Variants in DNM3 observed in about 807,000 individuals in gnomAD.
DNM3 encodes the protein dynamin 3.
DNM3 carries 47 observed loss-of-function variants against 101.6 expected under a neutral mutation model. The observed-to-expected ratio is 0.46, with a 90% CI of 0.37 to 0.59. The LOEUF (loss-of-function observed/expected upper bound fraction) is 0.59, where lower values mean the gene tolerates loss of function less well. Ranked by LOEUF, DNM3 falls within the 20% of genes least tolerant of loss-of-function variation. DNM3 has a pLI of 0.00. For synonymous variants in DNM3, 385 were observed against 387.9 expected, an observed-to-expected ratio of 0.99 and a Z score of 0.09; for missense variants, 849 against 1,085.7, an observed-to-expected ratio of 0.78 and a Z score of 3.06.
intron 4 of DNM3, among the ~76,000 whole-genome samples, chr1:171,994,448 T>C (rs6680084): frequency 0.31 from 46,375 of 152,012 alleles, 10,402 homozygotes; most frequent in African/African-American, 0.64. Flanking sequence ...GCTCTCAATG[T>C]GCATTTTGGG....
At chr1:171,909,261 C>T (rs745589044) in intron 1 of DNM3, among the ~76,000 whole-genome samples, 7 of 151,936 alleles carry the variant, frequency 4.6e-5, no homozygotes, top group Middle Eastern at 6.8e-3. Context: ...GCCAACATAG[C>T]GTCTCTACTA....
At chr1:171,842,064 G>A (rs1003402155) in intron 1 of DNM3, among the ~76,000 whole-genome samples, 2 of 152,114 alleles carry the variant, frequency 1.3e-5, no homozygotes. Context: ...TTCATCGTGC[G>A]ATACAAAGCC....
At chr1:171,872,541 CT>C (rs1202927683) in intron 1 of DNM3, among the ~76,000 whole-genome samples, 4 of 152,040 alleles carry the variant, frequency 2.6e-5, no homozygotes, top group Non-Finnish European at 5.9e-5. Flanking sequence ...TTTGTTTATT[CT>C]TTTTGTATTA....
intron 14 of DNM3, among the ~76,000 whole-genome samples, chr1:172,164,902 A>C (rs2058693490): frequency 6.6e-6 from 1 of 152,044 alleles, no homozygotes; most frequent in Non-Finnish European, 1.5e-5. Flanking sequence ...GCTACACTGC[A>C]GTTCTTCTAG....
intron 2 of DNM3, chr1:171,987,310 T>G (rs1440131864): frequency 5.1e-6 from 5 of 985,256 alleles, no homozygotes; most frequent in Non-Finnish European, 6.0e-6. Flanking sequence ...AACTCAGAGG[T>G]ATCCCAGATC....
chr1:172,152,225 T>C (rs906206840), intron 14 of DNM3, among the ~76,000 whole-genome samples: 2 of 151,784 alleles, frequency 1.3e-5, no homozygotes, highest in Non-Finnish European at 2.9e-5. Flanking sequence ...TGCCTTCTGC[T>C]AGTGGTAAAG....
intron 14 of DNM3, among the ~76,000 whole-genome samples, chr1:172,233,763 C>G (rs1192745000): frequency 1.3e-5 from 2 of 152,140 alleles, no homozygotes; most frequent in Non-Finnish European, 2.9e-5. Flanking sequence ...TGTAATCCAG[C>G]ATATAAACAG....
chr1:171,962,658 C>G (rs577861717), intron 2 of DNM3, among the ~76,000 whole-genome samples: 17 of 152,262 alleles, frequency 1.1e-4, no homozygotes, highest in Non-Finnish European at 2.4e-4. Flanking sequence ...GAAGAGACCA[C>G]TATAAGAAGA....
chr1:172,052,160 A>T (rs991405872), intron 10 of DNM3, among the ~76,000 whole-genome samples: 1 of 152,192 alleles, frequency 6.6e-6, no homozygotes, highest in African/African-American at 2.4e-5. Context: ...ATAAATGGGC[A>T]CTATGAAACA....
At chr1:172,391,533 A>T (rs1171022920) in intron 20 of DNM3, among the ~76,000 whole-genome samples, 1 of 152,220 alleles carries the variant, frequency 6.6e-6, no homozygotes, top group African/African-American at 2.4e-5. Context: ...AGAGAACGAG[A>T]GAAAGAAAGA....
rs1238422009 is a variant in DNM3, at chr1:172,409,804, A to G, written c.*1963A>G. 1.0e-6 allele frequency: 1 copy of G among 985,602 alleles called. No homozygotes were observed. The highest frequency in any genetic ancestry group is 6.2e-5 in the Admixed American group (1 of 16,244). 61.1% of individuals were successfully genotyped at this position (985,602 alleles called of 1,614,324 possible). On this transcript the variant is annotated 3_prime_UTR_variant, in exon 21 of 21. Coordinates refer to ENST00000627582, the MANE Select transcript of DNM3 (RefSeq NM_015569.5). ...CTCTAAAATAGGCAGCTAACGGATT[A>G]TATACTTCAGGGTTTGGCTTTGTGC...
chr1:172,148,256 A>T (rs562029835), intron 14 of DNM3, among the ~76,000 whole-genome samples: 188 of 151,766 alleles, frequency 1.2e-3, no homozygotes, highest in African/African-American at 3.8e-3. Context: ...TTTTTCCTAG[A>T]TAAAATATAA....
At chr1:171,904,033 C>T (rs952981556) in intron 1 of DNM3, among the ~76,000 whole-genome samples, 4 of 151,958 alleles carry the variant, frequency 2.6e-5, no homozygotes, top group East Asian at 1.9e-4. Context: ...CTAGGCTGGG[C>T]GCAGTGGCTC....
chr1:172,046,643 T>A (rs1166157451), intron 9 of DNM3, among the ~76,000 whole-genome samples: 1 of 152,162 alleles, frequency 6.6e-6, no homozygotes, highest in African/African-American at 2.4e-5. Flanking sequence ...GATACGAGTT[T>A]ACAAAGTGAA....
intron 9 of DNM3, 23 bp from the exon 10 acceptor site, chr1:172,048,589 G>A: frequency 6.3e-7 from 1 of 1,584,210 alleles, no homozygotes; most frequent in Non-Finnish European, 8.6e-7. Context: ...AATCTCATGG[G>A]CTGCTTGCTT....
At chr1:172,198,770 A>T (rs994846346) in intron 14 of DNM3, among the ~76,000 whole-genome samples, 1 of 149,492 alleles carries the variant, frequency 6.7e-6, no homozygotes. Context: ...TCCCTTTAGC[A>T]TTTCTAATTG....
At chr1:171,932,614 G>C (rs1338574131) in intron 2 of DNM3, among the ~76,000 whole-genome samples, 2 of 151,926 alleles carry the variant, frequency 1.3e-5, no homozygotes, top group Non-Finnish European at 2.9e-5. Flanking sequence ...TTTTAGTTTA[G>C]GTTATTTTAC....
At chr1:171,944,374 T>G in intron 2 of DNM3, among the ~76,000 whole-genome samples, 1 of 151,486 alleles carries the variant, frequency 6.6e-6, no homozygotes, top group Admixed American at 6.6e-5. Flanking sequence ...TATTTATTTA[T>G]TTATTTATTT....
intron 17 of DNM3, among the ~76,000 whole-genome samples, chr1:172,375,680 A>G (rs150455753): frequency 6.6e-6 from 1 of 152,158 alleles, no homozygotes; most frequent in Non-Finnish European, 1.5e-5. Context: ...GGTGAGAATT[A>G]TTTCTGATTC....
Sources: allele counts gnomAD v4.1 joint callset (sites outside exome capture counted in the v4.1 genomes callset), GRCh38; gene constraint gnomAD v4.1.1; transcripts MANE v1.5; gene names NCBI Gene and HGNC (gene_info 2026-07-23, HGNC 2026-07-21).